The following FNDC3A variants were observed in gnomAD, a reference collection of about 807,000 sequenced individuals.
FNDC3A encodes fibronectin type III domain containing 3A.
FNDC3A carries 32 observed loss-of-function variants against 148.9 expected under a neutral mutation model. The observed-to-expected ratio is 0.21, with a 90% CI of 0.16 to 0.29. FNDC3A has a LOEUF of 0.29. Among genes scored for constraint, FNDC3A ranks in the 10% least tolerant of loss-of-function variants. The probability of loss-of-function intolerance (pLI) is 1.00; values close to 1 mark genes in which losing one functional copy is unlikely to be tolerated. For synonymous variants in FNDC3A, 472 were observed against 473.6 expected, an observed-to-expected ratio of 1.00 and a Z score of 0.04; for missense variants, 1,191 against 1,452.8, an observed-to-expected ratio of 0.82 and a Z score of 2.93.
intron 3 of FNDC3A, among the ~76,000 whole-genome samples, chr13:49,106,862 A>AT (rs1350347601): frequency 2.6e-5 from 4 of 152,046 alleles, no homozygotes; most frequent in African/African-American, 9.7e-5. Flanking sequence ...AGTTATTTAC[A>AT]TAAAAACATA....
At chr13:49,132,741 G>A (rs1566272254) in intron 5 of FNDC3A, among the ~76,000 whole-genome samples, 1 of 152,148 alleles carries the variant, frequency 6.6e-6, no homozygotes, top group Non-Finnish European at 1.5e-5. Context: ...CTCGGTCCCT[G>A]TGTACATGGT....
chr13:48,984,385 G>A (rs1184964373), intron 1 of FNDC3A, among the ~76,000 whole-genome samples: 1 of 152,048 alleles, frequency 6.6e-6, no homozygotes, highest in Non-Finnish European at 1.5e-5. Flanking sequence ...ATTTCAAAAA[G>A]AAGTATAATA....
chr13:48,985,272 T>A (rs974590985), intron 1 of FNDC3A, among the ~76,000 whole-genome samples: 2 of 152,204 alleles, frequency 1.3e-5, no homozygotes, highest in African/African-American at 4.8e-5. Context: ...ATAGGTAGCC[T>A]GTTAAGTTTT....
At chr13:49,064,569 G>A (rs1877132500) in intron 2 of FNDC3A, among the ~76,000 whole-genome samples, 1 of 152,142 alleles carries the variant, frequency 6.6e-6, no homozygotes, top group African/African-American at 2.4e-5. Flanking sequence ...GAAAGTGACA[G>A]GAAGGTTTCA....
At chr13:49,182,490 T>C (rs1421240338) in intron 14 of FNDC3A, among the ~76,000 whole-genome samples, 1 of 152,050 alleles carries the variant, frequency 6.6e-6, no homozygotes, top group African/African-American at 2.4e-5. Flanking sequence ...GAAAACTGAA[T>C]TTCCTGAATT....
chr13:49,207,067 T>C lies in FNDC3A; in HGVS notation c.3283-14T>C. On this transcript the variant is annotated splice_polypyrimidine_tract_variant and intron_variant, in intron 25 of 25. Coordinates refer to ENST00000492622, the MANE Select transcript of FNDC3A (RefSeq NM_001079673.2). ...CTTCACACGTAATTCTTCCTTCTAA[T>C]ATTTTATTAACAGATTTACAAGGGT... is the stretch of plus-strand genomic sequence containing the variant. 6.3e-7 allele frequency: 1 copy of C among 1,587,490 alleles called. No individual in the cohort carries two copies. The highest frequency in any genetic ancestry group is 8.6e-7 in the Non-Finnish European group (1 of 1,158,294).
At chr13:49,116,024 A>G (rs148934801) in intron 4 of FNDC3A, among the ~76,000 whole-genome samples, 236 of 152,324 alleles carry the variant, frequency 1.5e-3, no homozygotes, top group African/African-American at 5.4e-3. Flanking sequence ...AGTTCAGTTC[A>G]TGATTTATTG....
At chr13:49,022,363 T>A (rs1265537751) in intron 2 of FNDC3A, among the ~76,000 whole-genome samples, 3 of 152,210 alleles carry the variant, frequency 2.0e-5, no homozygotes, top group Non-Finnish European at 4.4e-5. Context: ...TACATAATGT[T>A]ACTTTGGGTT....
At chr13:49,198,655 G>GGT in intron 23 of FNDC3A, 81 bp downstream of exon 23, 23 of 1,163,028 alleles carry the variant, frequency 2.0e-5, no homozygotes, top group Non-Finnish European at 2.9e-5. Context: ...AAGTAGGCCA[G>GGT]GTGTGGTGGC....
chr13:49,192,592 C>T (rs969801183), intron 19 of FNDC3A, among the ~76,000 whole-genome samples: 8 of 152,126 alleles, frequency 5.3e-5, no homozygotes, highest in Admixed American at 1.3e-4. Context: ...CCACTATGCC[C>T]GGCCTAAATT....
chr13:49,104,370 A>G (rs2137846187), intron 3 of FNDC3A, among the ~76,000 whole-genome samples: 1 of 152,242 alleles, frequency 6.6e-6, no homozygotes, highest in East Asian at 1.9e-4. Flanking sequence ...TAAAAATACA[A>G]AAAATTAGGC....
At chr13:49,107,535 A>T (rs1327659162) in intron 3 of FNDC3A, among the ~76,000 whole-genome samples, 1 of 152,218 alleles carries the variant, frequency 6.6e-6, no homozygotes, top group African/African-American at 2.4e-5. Context: ...GATCAAGAGT[A>T]AAAGAGGAAA....
At chr13:49,165,446 G>A (rs1325961656) in intron 8 of FNDC3A, among the ~76,000 whole-genome samples, 1 of 152,164 alleles carries the variant, frequency 6.6e-6, no homozygotes, top group Non-Finnish European at 1.5e-5. Flanking sequence ...CAGTGTTATG[G>A]TGTCTGTGAT....
At chr13:49,167,980 G>A (rs992894071) in intron 9 of FNDC3A, among the ~76,000 whole-genome samples, 3 of 152,136 alleles carry the variant, frequency 2.0e-5, no homozygotes, top group Non-Finnish European at 2.9e-5. Context: ...GGGATACCAA[G>A]ACTCTAGAAT....
intron 8 of FNDC3A, among the ~76,000 whole-genome samples, chr13:49,152,281 A>C (rs1234468879): frequency 6.6e-6 from 1 of 152,206 alleles, no homozygotes. Context: ...AACTGGTGTG[A>C]GATGGGATCT....
At chr13:49,135,960 G>A (rs1341287548) in intron 5 of FNDC3A, among the ~76,000 whole-genome samples, 1 of 152,108 alleles carries the variant, frequency 6.6e-6, no homozygotes, top group Non-Finnish European at 1.5e-5. Context: ...TCAAAAAGAT[G>A]TGAAAAGTAA....
chr13:49,032,663 G>A (rs1874206260), intron 2 of FNDC3A, among the ~76,000 whole-genome samples: 1 of 152,138 alleles, frequency 6.6e-6, no homozygotes, highest in Non-Finnish European at 1.5e-5. Context: ...GTGAACCCGG[G>A]AGGCGGAGCT....
At chr13:49,149,672 A>C (rs1170059049) in intron 8 of FNDC3A, among the ~76,000 whole-genome samples, 2 of 152,148 alleles carry the variant, frequency 1.3e-5, no homozygotes, top group Non-Finnish European at 2.9e-5. Flanking sequence ...TTGTGTCCGT[A>C]TCTGGTTTTG....
At chr13:49,123,879 G>A (rs563268780) in intron 4 of FNDC3A, among the ~76,000 whole-genome samples, 6 of 152,278 alleles carry the variant, frequency 3.9e-5, no homozygotes, top group East Asian at 1.9e-4. Context: ...AAATAGGAAC[G>A]CTTTTACACT....
Sources: gnomAD v4.1 joint callset for allele counts (sites outside exome capture counted in the v4.1 genomes callset) on GRCh38, gnomAD v4.1.1 for gene constraint, MANE v1.5 for transcripts, NCBI Gene and HGNC (gene_info 2026-07-23, HGNC 2026-07-21) for gene names.